PTPRA: variants seen among roughly 807,000 people sequenced by gnomAD.
The protein encoded by PTPRA is receptor-type tyrosine-protein phosphatase alpha.
In PTPRA, 25 loss-of-function variants were observed where a neutral mutation model predicts 104.8. The ratio of observed to expected loss-of-function variants is 0.24; its 90% confidence interval spans 0.17 to 0.33. PTPRA has a LOEUF of 0.33. Ranked by LOEUF, PTPRA falls within the 10% of genes least tolerant of loss-of-function variation. The pLI is 1.00. For missense variants in PTPRA, 765 were observed against 1,015.3 expected (o/e 0.75, Z 3.35); for synonymous variants, 323 against 368.9 (o/e 0.88, Z 1.43).
In PTPRA at chr20:2,975,328, T is replaced by G. The variant is rs970476466; in HGVS notation, c.442+87T>G. 8.4e-6 allele frequency: 10 copies of G among 1,183,744 alleles called. No individual in the cohort carries two copies. In the African/African-American group the frequency reaches 1.4e-4, roughly 17 times the overall value. 73.3% of individuals were successfully genotyped at this position (1,183,744 alleles called of 1,614,324 possible). A position where few individuals can be genotyped will look rare whatever the true frequency, so the allele number is the denominator to read the frequency against. On this transcript the variant is annotated intron_variant, in intron 6 of 23. Transcript: ENST00000399903. The stretch of plus-strand genomic sequence containing the variant: ...CTCTGCTCACAGTCTGTGGTAACCG[T>G]GTGCATCTGTGGCTGTGTTGTTTGT...
intron 1 of PTPRA, among the ~76,000 whole-genome samples, chr20:2,880,703 T>C (rs2089996948): frequency 1.3e-5 from 2 of 152,284 alleles, no homozygotes; most frequent in African/African-American, 4.8e-5. Context: ...TTAATAGGAA[T>C]CTTGCTTTAA....
chr20:2,869,898 C>A (rs2089407378), upstream of PTPRA, among the ~76,000 whole-genome samples: 1 of 151,166 alleles, frequency 6.6e-6, no homozygotes, highest in Admixed American at 6.6e-5. Flanking sequence ...TTGCTTGAAC[C>A]CAGGAGGTGG....
chr20:2,965,857 G>A (rs1284736736), intron 5 of PTPRA, among the ~76,000 whole-genome samples: 2 of 152,188 alleles, frequency 1.3e-5, no homozygotes, highest in East Asian at 3.9e-4. Flanking sequence ...ACCAGGGCAG[G>A]TAAGACAAGT....
chr20:2,951,923 G>A (rs1363039864), intron 3 of PTPRA, among the ~76,000 whole-genome samples: 1 of 151,960 alleles, frequency 6.6e-6, no homozygotes, highest in Admixed American at 6.6e-5. Context: ...GGCGGATCAC[G>A]AGGTCAAGAG....
chr20:2,944,816 A>G (rs1211278527), intron 2 of PTPRA, among the ~76,000 whole-genome samples: 2 of 152,170 alleles, frequency 1.3e-5, no homozygotes, highest in Non-Finnish European at 2.9e-5. Context: ...ACTATTGTGT[A>G]TCTAGACACA....
At position 3,035,628 on chromosome 20, in the gene PTPRA, A is replaced by C. The variant is rs1268804137; in HGVS notation, c.1964A>C (p.Tyr655Ser). Reference sequence around the variant, plus strand: ...TGGCCATCTGATGGACTGGTGTCCTATGGAGATATTACAGTGGAACTGAAG... The same window carrying C: ...TGGCCATCTGATGGACTGGTGTCCTCTGGAGATATTACAGTGGAACTGAAG... Reference protein sequence around the residue: ...QYWPSDGLVSYGDITVELKKE... With the variant: ...QYWPSDGLVSSGDITVELKKE... Residue 655 changes from tyrosine to serine, a missense_variant, in exon 21 of 24, where the codon TAT (tyrosine) becomes TCT (serine). By Grantham distance (144) the Tyr-to-Ser change is moderately radical. Around this residue, in one of 4 missense-constraint regions of PTPRA, gnomAD observed 192 missense variants for 227.0 expected, o/e 0.85. Coordinates refer to ENST00000399903, the MANE Select transcript of PTPRA (RefSeq NM_001385305.1). The surrounding 1 kb of genome is among the most constrained non-coding windows in gnomAD (Gnocchi z 5.8). 1.2e-6 allele frequency: 2 copies of C among 1,613,570 alleles called. No homozygotes were observed. The highest frequency in any genetic ancestry group is 2.2e-5 in the East Asian group (1 of 44,876).
chr20:2,866,316 G>T, the PTPRA span: 1 of 1,614,118 alleles, frequency 6.2e-7, no homozygotes, highest in East Asian at 2.2e-5. Context: ...TTCTTGTTGG[G>T]TGCGTCAACT....
chr20:2,936,048 A>G (rs1439339915), intron 2 of PTPRA, among the ~76,000 whole-genome samples: 2 of 151,864 alleles, frequency 1.3e-5, no homozygotes, highest in Non-Finnish European at 2.9e-5. Context: ...TTGTAGAGAC[A>G]GGGTCTCACA....
At chr20:2,993,386 G>C (rs1009374391) in intron 9 of PTPRA, among the ~76,000 whole-genome samples, 1 of 152,164 alleles carries the variant, frequency 6.6e-6, no homozygotes, top group Non-Finnish European at 1.5e-5. Context: ...ATAACTTCCT[G>C]CTTTTCATGT....
At position 3,035,931 on chromosome 20, in the gene PTPRA, G is replaced by A. The variant is rs778906145; in HGVS notation, c.2188G>A (p.Val730Met). Residue 730 changes from valine (V) to methionine (M), a missense_variant, in exon 22 of 24, where the codon GTG (valine) becomes ATG (methionine). Physicochemically the swap from Val to Met is conservative, Grantham distance 21. Around this residue, in one of 4 missense-constraint regions of PTPRA, gnomAD observed 72 missense variants for 140.7 expected, o/e 0.51. Coordinates refer to ENST00000399903, the MANE Select transcript of PTPRA (RefSeq NM_001385305.1). The surrounding 1 kb of genome is among the most constrained non-coding windows in gnomAD (Gnocchi z 5.8). ...GCAGTCAGGGAACCACCCCATCACC[G>A]TGCACTGCAGGTATGGCTCACCCTT... ...QQQSGNHPIT[V>M]HCSAGAGRTG... 2 of 1,613,560 alleles carry A rather than the reference G, an allele frequency of 1.2e-6. No homozygotes were observed. Among genetic ancestry groups the A allele is most frequent in the Non-Finnish European group, 1.7e-6 (2 of 1,180,032 alleles).
At position 3,022,572 on chromosome 20, in the gene PTPRA, CCATT is replaced by C; in HGVS notation, c.1329-114_1329-111del. On this transcript the variant is annotated intron_variant, in intron 15 of 23. Transcript: ENST00000399903. The surrounding 1 kb of genome is among the most constrained non-coding windows in gnomAD (Gnocchi z 4.6). ...GCTCCTGGAGAGCCCCAGCTCTACCCCATTCAGAATTAGGATTTAGACCCTGAAG... is the reference window on the plus strand; with the variant it reads ...GCTCCTGGAGAGCCCCAGCTCTACCCCAGAATTAGGATTTAGACCCTGAAG... 7.1e-7 allele frequency: 1 copy of C among 1,416,884 alleles called. No homozygotes were observed. Among genetic ancestry groups the C allele is most frequent in the African/African-American group, 1.4e-5 (1 of 70,776 alleles). The allele number at this position is 1,416,884 out of a possible 1,614,324, so 87.8% of individuals were successfully genotyped here. A position where few individuals can be genotyped will look rare whatever the true frequency, so the allele number is the denominator to read the frequency against.
At chr20:3,023,308 G>A (rs1389998150) in intron 16 of PTPRA, among the ~76,000 whole-genome samples, 1 of 152,226 alleles carries the variant, frequency 6.6e-6, no homozygotes, top group Non-Finnish European at 1.5e-5. Flanking sequence ...GATAGCCTGA[G>A]ATATGCCCTC....
intron 11 of PTPRA, among the ~76,000 whole-genome samples, chr20:3,010,811 A>C (rs1282492119): frequency 6.6e-6 from 1 of 152,122 alleles, no homozygotes; most frequent in Non-Finnish European, 1.5e-5. Flanking sequence ...CTCTCTAATC[A>C]CTGGCTAGGA....
rs773203186 is a variant in PTPRA, at chr20:3,022,049, C to G, written c.1162-5C>G. On this transcript the variant is annotated splice_region_variant and splice_polypyrimidine_tract_variant and intron_variant, in intron 14 of 23. Coordinates refer to ENST00000399903, the MANE Select transcript of PTPRA (RefSeq NM_001385305.1). This position sits in a 1 kb window ranked among gnomAD's most constrained non-coding sequence, Gnocchi z 4.6. Reference sequence around the variant, plus strand: ...GCCAACACACAGGATCTCCTCACTTCACAGGTGGGCGACATGACCAACAGA... The same window carrying G: ...GCCAACACACAGGATCTCCTCACTTGACAGGTGGGCGACATGACCAACAGA... 6.2e-7 allele frequency: 1 copy of G among 1,614,062 alleles called. No homozygotes were observed. Among genetic ancestry groups the G allele is most frequent in the East Asian group, 2.2e-5 (1 of 44,886 alleles).
intron 1 of PTPRA, among the ~76,000 whole-genome samples, chr20:2,914,204 A>G (rs532174720): frequency 6.6e-6 from 1 of 152,268 alleles, no homozygotes; most frequent in Admixed American, 6.5e-5. Context: ...GGGACCAGAT[A>G]TGATCAAAGC....
At chr20:3,006,561 C>A (rs2063882577) in intron 10 of PTPRA, among the ~76,000 whole-genome samples, 1 of 152,194 alleles carries the variant, frequency 6.6e-6, no homozygotes, top group African/African-American at 2.4e-5. Context: ...ATTAGAGATG[C>A]CTGCTCACAT....
chr20:3,027,007 C>A, intron 18 of PTPRA, 114 bp from the exon 19 acceptor site: 1 of 1,203,836 alleles, frequency 8.3e-7, no homozygotes. Context: ...TAGGAACAGA[C>A]ATGTCCTTGC....
chr20:2,914,075 TGTACTTTG>T (rs2059812602), intron 1 of PTPRA, among the ~76,000 whole-genome samples: 1 of 152,218 alleles, frequency 6.6e-6, no homozygotes, highest in South Asian at 2.1e-4. Flanking sequence ...TATCTATTAG[TGTACTTTG>T]GTACTTTGAT....
At chr20:2,913,595 C>T (rs945253187) in intron 1 of PTPRA, among the ~76,000 whole-genome samples, 1 of 152,130 alleles carries the variant, frequency 6.6e-6, no homozygotes, top group Non-Finnish European at 1.5e-5. Flanking sequence ...TTAACATGGA[C>T]CTGATGTTTC....
Sources: allele counts gnomAD v4.1 joint callset (sites outside exome capture counted in the v4.1 genomes callset), GRCh38; gene constraint gnomAD v4.1.1; regional missense constraint gnomAD v4.1.1; non-coding constraint Gnocchi (gnomAD v3.1); transcripts MANE v1.5; gene names NCBI Gene and HGNC (gene_info 2026-07-23, HGNC 2026-07-21).